Variants in CCDC85A observed in about 807,000 individuals in gnomAD.
The protein encoded by CCDC85A is coiled-coil domain-containing protein 85A.
In CCDC85A, 38 loss-of-function variants were observed where a neutral mutation model predicts 50.2. That is an observed-to-expected ratio of 0.76 (90% confidence interval 0.58 to 0.99). The LOEUF is 0.99. Among genes scored for constraint, CCDC85A ranks in the 50% least tolerant of loss-of-function variants. CCDC85A has a pLI of 0.00. For synonymous variants in CCDC85A, 366 were observed against 301.4 expected (o/e 1.21, Z -2.22); for missense variants, 820 against 742.0 (o/e 1.11, Z -1.22).
In CCDC85A at chr2:56,192,403, C is replaced by A; in HGVS notation, c.277-74C>A. The A allele has an allele frequency of 1.3e-6, 2 of 1,527,046 alleles. No individual in the cohort carries two copies. The highest frequency in any genetic ancestry group is 1.3e-5 in the South Asian group (1 of 76,278). 94.6% of individuals were successfully genotyped at this position (1,527,046 alleles called of 1,614,324 possible). ...GGTAATTCACCAGTTACAGGCTCTC[C>A]CTTTCCAGGAAGTCTGAGCCTGCTG... On this transcript the variant is annotated intron_variant, in intron 1 of 5. Transcript: ENST00000407595. This position sits in a 1 kb window ranked among gnomAD's most constrained non-coding sequence, Gnocchi z 4.7.
intron 2 of CCDC85A, among the ~76,000 whole-genome samples, chr2:56,238,080 A>C (rs1669099664): frequency 6.6e-6 from 1 of 152,142 alleles, no homozygotes; most frequent in South Asian, 2.1e-4. Context: ...TGACTGTATT[A>C]TTCATCTCTG....
At chr2:56,374,796 G>C (rs1462581034) in intron 4 of CCDC85A, among the ~76,000 whole-genome samples, 5 of 152,214 alleles carry the variant, frequency 3.3e-5, no homozygotes, top group African/African-American at 1.2e-4. Flanking sequence ...GCGATGGAGA[G>C]AGTCTGCAAG....
At chr2:56,186,795 C>T (rs1402979697) in intron 1 of CCDC85A, among the ~76,000 whole-genome samples, 1 of 152,056 alleles carries the variant, frequency 6.6e-6, no homozygotes, top group East Asian at 1.9e-4. Flanking sequence ...GGCTTCATTC[C>T]AGTAGCTTCA....
chr2:56,256,245 A>G (rs1284361440), intron 2 of CCDC85A, among the ~76,000 whole-genome samples: 1 of 152,234 alleles, frequency 6.6e-6, no homozygotes, highest in Non-Finnish European at 1.5e-5. Flanking sequence ...ATTGGCTATT[A>G]TATTATTTCT....
intron 2 of CCDC85A, among the ~76,000 whole-genome samples, chr2:56,258,309 C>T (rs1342469177): frequency 1.3e-5 from 2 of 152,164 alleles, no homozygotes. Context: ...GAGAAAATGT[C>T]TGTTGATTTA....
At chr2:56,198,352 A>C (rs1216603782) in intron 2 of CCDC85A, among the ~76,000 whole-genome samples, 1 of 152,218 alleles carries the variant, frequency 6.6e-6, no homozygotes, top group Non-Finnish European at 1.5e-5. Flanking sequence ...GGAACACCAG[A>C]ACTGATTTTA....
rs768900509 is a variant in CCDC85A, at chr2:56,197,950, C to T, written c.1240+4510C>T. Among the ~76,000 whole-genome samples, 6 of 152,018 alleles carry T rather than the reference C, an allele frequency of 3.9e-5. No individual in the cohort carries two copies. In the South Asian group the frequency reaches 8.4e-4, roughly 21 times the overall value. ...ACATGAGTTTCTAACCTATTTACGG[C>T]GGATGTCGGTGACGCCTGCACTGCC... is the stretch of plus-strand genomic sequence containing the variant. On this transcript the variant is annotated intron_variant, in intron 2 of 5. Coordinates refer to ENST00000407595, the MANE Select transcript of CCDC85A (RefSeq NM_001080433.2).
At chr2:56,217,300 A>G (rs1352626755) in intron 2 of CCDC85A, among the ~76,000 whole-genome samples, 1 of 151,794 alleles carries the variant, frequency 6.6e-6, no homozygotes, top group Non-Finnish European at 1.5e-5. Context: ...CTCCCCCTGG[A>G]GGCCTAATCT....
At position 56,384,670 on chromosome 2, in the gene CCDC85A, A is replaced by G. The variant is rs1294686568; in HGVS notation, c.*315A>G. ...GAAATAAGTGTTTTTAACTCCCCAG[A>G]TATAATATTGTAATTGGGAAACCTG... On this transcript the variant is annotated 3_prime_UTR_variant, in exon 6 of 6. Coordinates refer to ENST00000407595, the MANE Select transcript of CCDC85A (RefSeq NM_001080433.2). 2 of 235,024 alleles carry G rather than the reference A, an allele frequency of 8.5e-6. No individual in the cohort carries two copies. 14.6% of individuals were successfully genotyped at this position (235,024 alleles called of 1,614,324 possible). A position where few individuals can be genotyped will look rare whatever the true frequency, so the allele number is the denominator to read the frequency against.
At chr2:56,337,341 T>C (rs964930311) in intron 2 of CCDC85A, among the ~76,000 whole-genome samples, 8 of 152,246 alleles carry the variant, frequency 5.3e-5, no homozygotes, top group African/African-American at 1.9e-4. Flanking sequence ...TTCTAATGTC[T>C]AGATGCCCAT....
intron 2 of CCDC85A, among the ~76,000 whole-genome samples, chr2:56,226,429 A>T (rs982294531): frequency 1.3e-5 from 2 of 152,160 alleles, no homozygotes; most frequent in African/African-American, 4.8e-5. Flanking sequence ...GATAACTAAG[A>T]CTGAAAGCAC....
intron 2 of CCDC85A, among the ~76,000 whole-genome samples, chr2:56,220,416 G>A (rs1668275740): frequency 1.3e-5 from 2 of 151,984 alleles, no homozygotes; most frequent in East Asian, 1.9e-4. Context: ...AGAACAAGAT[G>A]TGATTATTTA....
Position 56,375,200 on chromosome 2 carries a change from CT to C in CCDC85A, c.1453-615del, listed in dbSNP as rs1676274061. On this transcript the variant is annotated intron_variant, in intron 4 of 5. Coordinates refer to ENST00000407595, the MANE Select transcript of CCDC85A (RefSeq NM_001080433.2). ...ATGTCAAATTAATCATGTACAGGTT[CT>C]AGTTTCTCACCAATTAAGTTGAAGA... Among the ~76,000 whole-genome samples the C allele has an allele frequency of 2.6e-5, 4 of 152,130 alleles. No individual in the cohort carries two copies. In the South Asian group the frequency reaches 8.3e-4, roughly 31 times the overall value.
At chr2:56,313,839 G>C (rs977991135) in intron 2 of CCDC85A, among the ~76,000 whole-genome samples, 1 of 151,916 alleles carries the variant, frequency 6.6e-6, no homozygotes, top group Non-Finnish European at 1.5e-5. Context: ...GGGAGGGCAG[G>C]GACTTTGGTT....
At chr2:56,377,277 A>T (rs1676380289) in intron 5 of CCDC85A, among the ~76,000 whole-genome samples, 1 of 152,160 alleles carries the variant, frequency 6.6e-6, no homozygotes. Context: ...GGACTGTTGA[A>T]TATCTTGTTC....
chr2:56,312,853 G>C lies in CCDC85A; in HGVS notation c.1241-30026G>C, dbSNP rs114038347. Among the ~76,000 whole-genome samples, 812 of 151,806 alleles carry C rather than the reference G, an allele frequency of 5.3e-3. 15 individuals are homozygous for C. Among genetic ancestry groups the C allele is most frequent in the African/African-American group, 0.019 (776 of 41,132 alleles). The stretch of plus-strand genomic sequence containing the variant: ...ATTTTGCAAATCTGACTATTTATAA[G>C]TCTTAAAACTGATTTGATATATTTG... On this transcript the variant is annotated intron_variant, in intron 2 of 5. Transcript: ENST00000407595.
intron 2 of CCDC85A, among the ~76,000 whole-genome samples, chr2:56,236,064 C>A (rs1476572461): frequency 6.6e-6 from 1 of 152,020 alleles, no homozygotes. Flanking sequence ...ACGAGTGATG[C>A]TAGAAAAAAG....
chr2:56,292,641 A>C (rs1451909328), intron 2 of CCDC85A, among the ~76,000 whole-genome samples: 1 of 152,198 alleles, frequency 6.6e-6, no homozygotes, highest in Non-Finnish European at 1.5e-5. Flanking sequence ...GCAATAAATA[A>C]ATACATAAGG....
chr2:56,229,982 G>A (rs1444748438), intron 2 of CCDC85A, among the ~76,000 whole-genome samples: 1 of 152,282 alleles, frequency 6.6e-6, no homozygotes, highest in East Asian at 1.9e-4. Flanking sequence ...GCAGTTGCCA[G>A]AGAATCTTAG....
Sources: gnomAD v4.1 joint callset for allele counts (sites outside exome capture counted in the v4.1 genomes callset) on GRCh38, gnomAD v4.1.1 for gene constraint, Gnocchi (gnomAD v3.1) non-coding constraint, MANE v1.5 for transcripts, NCBI Gene and HGNC (gene_info 2026-07-23, HGNC 2026-07-21) for gene names.